NCOR2: variants seen among roughly 807,000 people sequenced by gnomAD.
The protein encoded by NCOR2 is CTG repeat protein 26.
A neutral mutation model predicts 262.9 loss-of-function variants in NCOR2; 81 were observed. That is an observed-to-expected ratio of 0.31 (90% confidence interval 0.26 to 0.37). The LOEUF (loss-of-function observed/expected upper bound fraction) is 0.37. NCOR2 is among the 10% of genes least tolerant of loss of function. NCOR2 has a pLI of 1.00. For synonymous variants in NCOR2, 1,659 were observed against 1,559.3 expected, an observed-to-expected ratio of 1.06 and a Z score of -1.51; for missense variants, 3,385 against 3,621.4, an observed-to-expected ratio of 0.93 and a Z score of 1.68.
At chr12:124,567,592 G>C (rs1218723383), upstream of NCOR2, 4 of 142,566 alleles carry the variant, frequency 2.8e-5, no homozygotes, top group East Asian at 6.3e-4. Flanking sequence ...CGCGCTCCCC[G>C]GCGGCCGCGG....
exon 5 of NCOR2, chr12:124,466,223 T>A (rs752679309): frequency 6.2e-7 from 1 of 1,610,536 alleles, no homozygotes; most frequent in South Asian, 1.1e-5. Flanking sequence ...TTCGACTCGA[T>A]GGGCGGCGGT....
chr12:124,543,659 C>G (rs2137232229), intron 1 of NCOR2, among the ~76,000 whole-genome samples: 1 of 152,354 alleles, frequency 6.6e-6, no homozygotes, highest in African/African-American at 2.4e-5. Flanking sequence ...AATTAGAGGC[C>G]AGGAAGGAGC....
At chr12:124,364,992 T>A (rs573537408) in intron 20 of NCOR2, among the ~76,000 whole-genome samples, 1 of 151,152 alleles carries the variant, frequency 6.6e-6, no homozygotes, top group South Asian at 2.1e-4. Context: ...TCTGCGGGTA[T>A]GGAGGTGGCC....
intron 13 of NCOR2, among the ~76,000 whole-genome samples, chr12:124,411,378 T>C (rs1050040647): frequency 1.3e-5 from 2 of 150,058 alleles, no homozygotes; most frequent in African/African-American, 4.9e-5. Context: ...CAGTGGAGAG[T>C]GGACGGCAGC....
intron 4 of NCOR2, among the ~76,000 whole-genome samples, chr12:124,468,295 C>T (rs111174002): frequency 4.4e-5 from 2 of 45,064 alleles, no homozygotes; most frequent in African/African-American, 1.6e-4. Context: ...ATCCTCATCA[C>T]GCCCATCACC....
rs367639699 is a variant in NCOR2 at position 124,340,756 on chromosome 12, G to A, written c.5189-5C>T. The stretch of plus-strand genomic sequence containing the variant: ...CTTGGGACAGGTCGATGATGCCTGC[G>A]GGAGGTGTTGGGCCAGGGCTGTAGC... On this transcript the variant is annotated splice_polypyrimidine_tract_variant and splice_region_variant and intron_variant, in intron 34 of 46. Transcript: ENST00000405201. 25 of 1,531,884 alleles carry A rather than the reference G, an allele frequency of 1.6e-5. No individual in the cohort carries two copies. The highest frequency in any genetic ancestry group is 3.4e-4 in the Middle Eastern group (2 of 5,820). The allele number at this position is 1,531,884 out of a possible 1,614,324, so 94.9% of individuals were successfully genotyped here.
chr12:124,431,598 C>A (rs1037035876), intron 8 of NCOR2, among the ~76,000 whole-genome samples: 12 of 151,138 alleles, frequency 7.9e-5, no homozygotes, highest in Non-Finnish European at 1.6e-4. Flanking sequence ...GATATATGCA[C>A]AGGCACACAT....
chr12:124,404,183 G>C (rs574775934), intron 13 of NCOR2, among the ~76,000 whole-genome samples: 1 of 152,204 alleles, frequency 6.6e-6, no homozygotes, highest in Non-Finnish European at 1.5e-5. Context: ...ACATTTGCCC[G>C]ATGTGGGCAG....
At chr12:124,438,123 C>T (rs1204732132) in intron 7 of NCOR2, 127 bp from the exon 10 acceptor site, 1 of 822,438 alleles carries the variant, frequency 1.2e-6, no homozygotes, top group Non-Finnish European at 2.0e-6. Context: ...AGATGAGACC[C>T]ACCCGTGCTG....
chr12:124,506,825 G>A (rs1381747481), intron 1 of NCOR2, among the ~76,000 whole-genome samples: 1 of 152,166 alleles, frequency 6.6e-6, no homozygotes, highest in African/African-American at 2.4e-5. Flanking sequence ...TGTAACCTGG[G>A]CAAACCACTT....
At chr12:124,514,929 C>G (rs950977742) in intron 1 of NCOR2, 5 of 152,246 alleles carry the variant, frequency 3.3e-5, no homozygotes, top group Admixed American at 2.6e-4. Context: ...TGGATGCCCC[C>G]AAACCCTATC....
intron 1 of NCOR2, among the ~76,000 whole-genome samples, chr12:124,547,272 C>T (rs2051572235): frequency 6.6e-6 from 1 of 152,226 alleles, no homozygotes; most frequent in African/African-American, 2.4e-5. Context: ...GGGTTACAGG[C>T]ATGAGCCACC....
At chr12:124,529,243 G>C (rs548946844) in intron 1 of NCOR2, among the ~76,000 whole-genome samples, 1 of 148,048 alleles carries the variant, frequency 6.8e-6, no homozygotes, top group Admixed American at 6.8e-5. Context: ...AAAGTAAGTG[G>C]ATGACCTGAG....
intron 13 of NCOR2, among the ~76,000 whole-genome samples, chr12:124,417,238 A>C (rs547023096): frequency 1.3e-5 from 2 of 151,980 alleles, no homozygotes; most frequent in South Asian, 4.2e-4. Context: ...CACGGACAGC[A>C]GGCCGGACAC....
intron 3 of NCOR2, among the ~76,000 whole-genome samples, chr12:124,480,043 G>A (rs151288440): frequency 4.6e-5 from 7 of 152,350 alleles, no homozygotes; most frequent in Non-Finnish European, 5.9e-5. Flanking sequence ...TTACCACTGC[G>A]TGAATGCCTC....
intron 7 of NCOR2, among the ~76,000 whole-genome samples, chr12:124,445,255 C>G (rs554577253): frequency 1.1e-4 from 17 of 152,330 alleles, no homozygotes; most frequent in Non-Finnish European, 2.2e-4. Flanking sequence ...CATAGACTCC[C>G]GGGAATTCCT....
At chr12:124,536,892 C>T (rs972499207), upstream of NCOR2, among the ~76,000 whole-genome samples, 1 of 152,170 alleles carries the variant, frequency 6.6e-6, no homozygotes, top group African/African-American at 2.4e-5. Context: ...CAACTGAAAA[C>T]AACCCAACGG....
chr12:124,515,978 T>A (rs1160919213), intron 1 of NCOR2, among the ~76,000 whole-genome samples: 1 of 152,086 alleles, frequency 6.6e-6, no homozygotes, highest in African/African-American at 2.4e-5. Flanking sequence ...TTGGCAAAGG[T>A]CAGGGGCAGC....
chr12:124,440,300 C>T lies in NCOR2; in HGVS notation c.816-2304G>A, dbSNP rs1241002487. Among the ~76,000 whole-genome samples the T allele has an allele frequency of 6.6e-6, 1 of 152,210 alleles. No individual in the cohort carries two copies. Among genetic ancestry groups the T allele is most frequent in the Non-Finnish European group, 1.5e-5 (1 of 68,042 alleles). On this transcript the variant is annotated intron_variant, in intron 7 of 46. Transcript: ENST00000405201. The surrounding 1 kb of genome is among the most constrained non-coding windows in gnomAD (Gnocchi z 5.7). ...ATTGGAAACAGGAAAAGGAGGGAAC[C>T]CCAGGCTCTGACGGACGAGTGAAGC...
Sources: gnomAD v4.1 joint callset for allele counts (sites outside exome capture counted in the v4.1 genomes callset) on GRCh38, gnomAD v4.1.1 for gene constraint, Gnocchi (gnomAD v3.1) non-coding constraint, MANE v1.5 for transcripts, NCBI Gene and HGNC (gene_info 2026-07-23, HGNC 2026-07-21) for gene names.